Variants in RIC8B observed in about 807,000 individuals in gnomAD.
RIC8B encodes the protein RIC8 guanine nucleotide exchange factor B.
RIC8B carries 16 observed loss-of-function variants against 57.5 expected under a neutral mutation model. The observed-to-expected ratio is 0.28, with a 90% CI of 0.19 to 0.42. The LOEUF (loss-of-function observed/expected upper bound fraction) is 0.42, where lower values mean the gene tolerates loss of function less well. Among genes scored for constraint, RIC8B ranks in the 10% least tolerant of loss-of-function variants. The probability of loss-of-function intolerance (pLI) is 1.00; values close to 1 mark genes in which losing one functional copy is unlikely to be tolerated. For synonymous variants in RIC8B, 216 were observed against 250.8 expected, an observed-to-expected ratio of 0.86 and a Z score of 1.31; for missense variants, 481 against 677.0, an observed-to-expected ratio of 0.71 and a Z score of 3.21.
intron 4 of RIC8B, among the ~76,000 whole-genome samples, chr12:106,829,786 T>C (rs2046275536): frequency 6.6e-6 from 1 of 152,198 alleles, no homozygotes; most frequent in South Asian, 2.1e-4. Flanking sequence ...CACAGAGGTG[T>C]TTTTCAAAAA....
intron 7 of RIC8B, among the ~76,000 whole-genome samples, chr12:106,855,384 A>G (rs560476942): frequency 2.0e-4 from 31 of 152,008 alleles, no homozygotes; most frequent in African/African-American, 6.8e-4. Flanking sequence ...GCTTTCCCCA[A>G]TCTCTATGCA....
intron 4 of RIC8B, among the ~76,000 whole-genome samples, chr12:106,826,606 A>G (rs2046111971): frequency 6.6e-6 from 1 of 152,086 alleles, no homozygotes; most frequent in Admixed American, 6.5e-5. Context: ...ATACAAAAAA[A>G]GTAGCTGGGC....
intron 2 of RIC8B, among the ~76,000 whole-genome samples, chr12:106,796,649 T>G (rs1019104763): frequency 1.3e-4 from 20 of 152,064 alleles, no homozygotes; most frequent in African/African-American, 3.1e-4. Flanking sequence ...TTCTTAGAGA[T>G]AACACCAAAA....
At chr12:106,825,169 T>G (rs1289552344) in intron 3 of RIC8B, among the ~76,000 whole-genome samples, 1 of 152,228 alleles carries the variant, frequency 6.6e-6, no homozygotes. Context: ...ACTGTTTGCC[T>G]TCTTGCCTCT....
At chr12:106,791,574 T>C (rs565172735) in intron 2 of RIC8B, among the ~76,000 whole-genome samples, 2 of 152,200 alleles carry the variant, frequency 1.3e-5, no homozygotes, top group Non-Finnish European at 2.9e-5. Flanking sequence ...AAAAGTTCAT[T>C]CTGCCATTTC....
chr12:106,847,303 TA>T (rs1337281824), intron 6 of RIC8B, among the ~76,000 whole-genome samples: 3 of 152,188 alleles, frequency 2.0e-5, no homozygotes, highest in African/African-American at 7.2e-5. Context: ...AAAATTTTGT[TA>T]AAAATTTGTT....
At chr12:106,835,562 G>C (rs557873047) in intron 4 of RIC8B, among the ~76,000 whole-genome samples, 1 of 152,312 alleles carries the variant, frequency 6.6e-6, no homozygotes, top group Non-Finnish European at 1.5e-5. Context: ...GCCTAGAAGA[G>C]GTTGTATAAT....
At chr12:106,871,935 G>C (rs1472143511) in intron 9 of RIC8B, among the ~76,000 whole-genome samples, 1 of 152,222 alleles carries the variant, frequency 6.6e-6, no homozygotes, top group Non-Finnish European at 1.5e-5. Flanking sequence ...ACAAGAGACT[G>C]ACATGGGGAG....
chr12:106,810,024 A>ATATTTAT (rs143809901), intron 2 of RIC8B, among the ~76,000 whole-genome samples: 42 of 151,446 alleles, frequency 2.8e-4, no homozygotes, highest in East Asian at 7.7e-4. Context: ...GAAATAAAAC[A>ATATTTAT]TATTTATTAT....
At chr12:106,871,472 A>T (rs1033295983) in intron 9 of RIC8B, 3 of 72,806 alleles carry the variant, frequency 4.1e-5, no homozygotes, top group South Asian at 5.4e-4. Flanking sequence ...TAGGAGTTCT[A>T]AAAAAAAAAA....
intron 8 of RIC8B, among the ~76,000 whole-genome samples, chr12:106,865,451 A>C (rs1950101596): frequency 5.3e-5 from 8 of 152,212 alleles, no homozygotes; most frequent in Admixed American, 5.2e-4. Flanking sequence ...TGATATAACC[A>C]AAACAGAAAA....
intron 1 of RIC8B, among the ~76,000 whole-genome samples, chr12:106,782,541 C>G (rs1371664037): frequency 4.6e-5 from 7 of 152,130 alleles, no homozygotes; most frequent in African/African-American, 1.4e-4. Flanking sequence ...CGTAGTCTTC[C>G]CCTGGTTGCC....
Position 106,843,942 on chromosome 12 carries a change from G to A in RIC8B, c.1156G>A (p.Asp386Asn), listed in dbSNP as rs1693212969. The A allele has an allele frequency of 6.2e-7, 1 of 1,611,638 alleles. No individual in the cohort carries two copies. The highest frequency in any genetic ancestry group is 8.5e-7 in the Non-Finnish European group (1 of 1,177,998). ...AHRNIRKFLK[D>N]QVLPPLRDVT... is the part of the protein sequence containing the mutation. ...TCGAAACATCCGAAAATTTCTCAAA[G>A]ATCAGGTAACTGCTTAATGCATATT... Residue 386 changes from aspartate to asparagine, a missense_variant, in exon 6 of 10, where the codon GAT becomes AAT. By Grantham distance (23) the Asp-to-Asn change is conservative. This residue lies in a region of RIC8B where 421 missense variants were observed against 560.9 expected (regional missense o/e 0.75). Transcript: ENST00000392837.
In RIC8B at chr12:106,887,632, A is replaced by C. The variant is rs1466900163; in HGVS notation, c.*1617A>C. On this transcript the variant is annotated 3_prime_UTR_variant, in exon 10 of 10. Coordinates refer to ENST00000392837, the MANE Select transcript of RIC8B (RefSeq NM_001330145.2). Reference sequence around the variant, plus strand: ...AACATGTTTTATTAGCTGGCTTTGAAGCTCACAAAAGAATGGCAAAGAAAG... The same window carrying C: ...AACATGTTTTATTAGCTGGCTTTGACGCTCACAAAAGAATGGCAAAGAAAG... 1.3e-5 allele frequency: 2 copies of C among 152,228 alleles called. No homozygotes were observed. The highest frequency in any genetic ancestry group is 2.9e-5 in the Non-Finnish European group (2 of 68,038). 9.4% of individuals were successfully genotyped at this position (152,228 alleles called of 1,614,324 possible).
At chr12:106,849,543 A>G (rs1212899417) in intron 6 of RIC8B, among the ~76,000 whole-genome samples, 1 of 151,878 alleles carries the variant, frequency 6.6e-6, no homozygotes. Flanking sequence ...GAAACAAGGA[A>G]TCAGTTATGG....
At chr12:106,785,458 C>T (rs537188913) in intron 2 of RIC8B, among the ~76,000 whole-genome samples, 1 of 152,152 alleles carries the variant, frequency 6.6e-6, no homozygotes, top group East Asian at 1.9e-4. Context: ...ATATTTATGC[C>T]TTGTTTCTTA....
chr12:106,843,255 A>G (rs1949034421), intron 5 of RIC8B, among the ~76,000 whole-genome samples: 1 of 152,134 alleles, frequency 6.6e-6, no homozygotes, highest in Non-Finnish European at 1.5e-5. Flanking sequence ...TCTCTGGTCT[A>G]TCACTCACTT....
chr12:106,805,432 G>GGCTGCAGTAAGTCATAATGGCACC (rs1255100527), intron 2 of RIC8B, among the ~76,000 whole-genome samples: 1 of 152,124 alleles, frequency 6.6e-6, no homozygotes, highest in African/African-American at 2.4e-5. Context: ...AGGAGATCAA[G>GGCTGCAGTAAGTCATAATGGCACC]GCTGCAGTAA....
At chr12:106,784,776 T>C (rs1338711685) in intron 2 of RIC8B, among the ~76,000 whole-genome samples, 1 of 152,194 alleles carries the variant, frequency 6.6e-6, no homozygotes. Context: ...GCTAGAAAAA[T>C]AGCTTAAATC....
Sources: gnomAD v4.1 joint callset for allele counts (sites outside exome capture counted in the v4.1 genomes callset) on GRCh38, gnomAD v4.1.1 for gene constraint, gnomAD v4.1.1 regional missense constraint, MANE v1.5 for transcripts, NCBI Gene and HGNC (gene_info 2026-07-23, HGNC 2026-07-21) for gene names.